PRKD1: variants seen among roughly 807,000 people sequenced by gnomAD.
PRKD1 encodes the protein protein kinase D1, also known as serine/threonine-protein kinase D1.
In PRKD1, 63 loss-of-function variants were observed where a neutral mutation model predicts 95.9. The observed-to-expected ratio is 0.66, with a 90% CI of 0.54 to 0.81. The LOEUF (loss-of-function observed/expected upper bound fraction) is 0.81. PRKD1 is among the 30% of genes least tolerant of loss of function. PRKD1 has a pLI of 0.00. For synonymous variants in PRKD1, 425 were observed against 423.1 expected, an observed-to-expected ratio of 1.00 and a Z score of -0.05; for missense variants, 1,048 against 1,165.3, an observed-to-expected ratio of 0.90 and a Z score of 1.47.
At chr14:29,737,022 TTAGGAAATGAAAA>T in intron 1 of PRKD1, among the ~76,000 whole-genome samples, 1 of 152,058 alleles carries the variant, frequency 6.6e-6, no homozygotes, top group Middle Eastern at 3.4e-3. Context: ...CATGGCCCAA[TTAGGAAATGAAAA>T]TACTCGGCCG....
chr14:29,868,256 G>A (rs1194716746), intron 1 of PRKD1, among the ~76,000 whole-genome samples: 2 of 152,122 alleles, frequency 1.3e-5, no homozygotes, highest in Non-Finnish European at 2.9e-5. Context: ...GCTGGGAAGT[G>A]AGCCAGTTTG....
chr14:29,726,186 T>C (rs1886133522), intron 1 of PRKD1, among the ~76,000 whole-genome samples: 2 of 152,186 alleles, frequency 1.3e-5, no homozygotes, highest in African/African-American at 4.8e-5. Flanking sequence ...TAGCATTATC[T>C]AGATCCTTTG....
chr14:29,666,342 A>C, intron 2 of PRKD1, 134 bp from the exon 3 acceptor site: 8 of 909,060 alleles, frequency 8.8e-6, no homozygotes, highest in Non-Finnish European at 1.2e-5. Flanking sequence ...GATGCAACAC[A>C]GCTTGCACTT....
At chr14:29,624,636 T>C (rs1471889381) in intron 12 of PRKD1, among the ~76,000 whole-genome samples, 1 of 152,162 alleles carries the variant, frequency 6.6e-6, no homozygotes, top group African/African-American at 2.4e-5. Flanking sequence ...GATAAGATAA[T>C]GTATGTTATA....
intron 1 of PRKD1, among the ~76,000 whole-genome samples, chr14:29,798,367 T>C (rs536385641): frequency 1.3e-5 from 2 of 152,340 alleles, no homozygotes; most frequent in East Asian, 1.9e-4. Context: ...CACATGGCAA[T>C]GTATACTTGC....
chr14:29,878,970 C>A (rs1489679244), intron 1 of PRKD1, among the ~76,000 whole-genome samples: 1 of 151,966 alleles, frequency 6.6e-6, no homozygotes. Context: ...CACCTAAAAC[C>A]CAGATTCCTC....
chr14:29,673,136 C>T (rs1240587339), intron 2 of PRKD1, among the ~76,000 whole-genome samples: 1 of 151,902 alleles, frequency 6.6e-6, no homozygotes, highest in South Asian at 2.1e-4. Flanking sequence ...GTTGCTTGAA[C>T]AAAATAGATA....
chr14:29,635,448 C>T (rs1342250715), intron 7 of PRKD1, among the ~76,000 whole-genome samples: 1 of 152,052 alleles, frequency 6.6e-6, no homozygotes, highest in Non-Finnish European at 1.5e-5. Flanking sequence ...ACAATTATTT[C>T]CCACTATTTA....
intron 1 of PRKD1, among the ~76,000 whole-genome samples, chr14:29,922,152 A>T (rs557003805): frequency 1.3e-5 from 2 of 152,054 alleles, no homozygotes; most frequent in South Asian, 2.1e-4. Flanking sequence ...ATACAAAAAA[A>T]TAGCAGTGCA....
chr14:29,762,774 A>ATTTTTTGAAATAGAGTCTCAC (rs71108497), intron 1 of PRKD1, among the ~76,000 whole-genome samples: 26,474 of 152,122 alleles, frequency 0.17, 2,466 homozygotes, highest in South Asian at 0.22. Flanking sequence ...ATTTTATTTT[A>ATTTTTTGAAATAGAGTCTCAC]TCTGTGTTGC....
intron 4 of PRKD1, among the ~76,000 whole-genome samples, chr14:29,663,187 A>C (rs1346688225): frequency 4.4e-5 from 6 of 137,226 alleles, no homozygotes; most frequent in Non-Finnish European, 7.8e-5. Context: ...GCTAATGGAA[A>C]TATTTAAAGT....
At position 29,638,958 on chromosome 14, in the gene PRKD1, T is replaced by C. The variant is rs1880573711; in HGVS notation, c.697-54A>G. On this transcript the variant is annotated intron_variant, in intron 4 of 17. Coordinates refer to ENST00000331968, the MANE Select transcript of PRKD1 (RefSeq NM_002742.3). ...AAGATGTAAGAGGCTATTTGATTTA[T>C]ATATTTATATATTTTAAGATACCGG... 4.5e-6 allele frequency: 6 copies of C among 1,323,260 alleles called. No homozygotes were observed. In the South Asian group the frequency reaches 6.5e-5, roughly 14 times the overall value. 82.0% of individuals were successfully genotyped at this position (1,323,260 alleles called of 1,614,324 possible).
Position 29,822,918 on chromosome 14 carries a change from T to TA in PRKD1, c.265-97245dup, listed in dbSNP as rs1006249155. On this transcript the variant is annotated intron_variant, in intron 1 of 17. Coordinates refer to ENST00000331968, the MANE Select transcript of PRKD1 (RefSeq NM_002742.3). ...ATTTCTGTGAAGAATCAAAATGTTT[T>TA]AAAAAAAAATTCTCCAAAGAAATTT... Among the ~76,000 whole-genome samples the TA allele has an allele frequency of 4.6e-5, 7 of 151,868 alleles. No homozygotes were observed. The East Asian group carries it at 9.7e-4, about 21-fold the overall frequency.
chr14:29,811,898 A>G (rs1890500696), intron 1 of PRKD1: 2 of 152,266 alleles, frequency 1.3e-5, no homozygotes, highest in East Asian at 1.9e-4. Context: ...GTCCCGATGC[A>G]TAAGAAACCC....
In PRKD1 at chr14:29,895,943, A is replaced by T. The variant is rs72660449; in HGVS notation, c.264+31306T>A. Reference sequence around the variant, plus strand: ...TTATAGATAGCACTAATTATATTTAACTTTCTTACTCACTATGCTTACTTT... The same window carrying T: ...TTATAGATAGCACTAATTATATTTATCTTTCTTACTCACTATGCTTACTTT... On this transcript the variant is annotated intron_variant, in intron 1 of 17. Transcript: ENST00000331968. 3.3e-3 allele frequency among the ~76,000 whole-genome samples: 505 copies of T among 152,254 alleles called. 2 individuals are homozygous for T. Among genetic ancestry groups the T allele is most frequent in the Non-Finnish European group, 4.6e-3 (311 of 68,022 alleles).
intron 2 of PRKD1, among the ~76,000 whole-genome samples, chr14:29,676,187 T>G (rs1347477084): frequency 1.7e-5 from 2 of 120,256 alleles, no homozygotes; most frequent in South Asian, 2.9e-4. Flanking sequence ...GTTTTTGTTT[T>G]TTTTTTTTTT....
chr14:29,640,301 A>T (rs1487969709), intron 4 of PRKD1, among the ~76,000 whole-genome samples: 2 of 152,220 alleles, frequency 1.3e-5, no homozygotes, highest in African/African-American at 4.8e-5. Context: ...ATTACTGATA[A>T]GACAGCAATA....
chr14:29,617,910 T>TA (rs35354539), intron 13 of PRKD1, among the ~76,000 whole-genome samples: 10 of 149,878 alleles, frequency 6.7e-5, no homozygotes, highest in Non-Finnish European at 1.5e-4. Flanking sequence ...CTACCAAAAA[T>TA]AAAAAAAAAA....
chr14:29,799,172 C>T lies in PRKD1; in HGVS notation c.265-73498G>A, dbSNP rs1368922248. ...TGCAAGAATCAAAGTTGTAGACTTG[C>T]TAATTTCTTGGCAAATTTCAATATG... On this transcript the variant is annotated intron_variant, in intron 1 of 17. Coordinates refer to ENST00000331968, the MANE Select transcript of PRKD1 (RefSeq NM_002742.3). Among the ~76,000 whole-genome samples the T allele has an allele frequency of 4.6e-5, 7 of 152,178 alleles. No individual in the cohort carries two copies. The East Asian group carries it at 1.2e-3, about 25-fold the overall frequency.
Sources: allele counts gnomAD v4.1 joint callset (sites outside exome capture counted in the v4.1 genomes callset), GRCh38; gene constraint gnomAD v4.1.1; transcripts MANE v1.5; gene names NCBI Gene and HGNC (gene_info 2026-07-23, HGNC 2026-07-21).